Variants in AKAP10 observed in about 807,000 individuals in gnomAD.
AKAP10 encodes the protein A-kinase anchor protein 10, mitochondrial.
A neutral mutation model predicts 80.8 loss-of-function variants in AKAP10; 24 were observed. The ratio of observed to expected loss-of-function variants is 0.30; its 90% CI spans 0.22 to 0.42. The LOEUF (loss-of-function observed/expected upper bound fraction) is 0.42. AKAP10 is among the 10% of genes least tolerant of loss of function. AKAP10 has a pLI of 1.00. For missense variants in AKAP10, 661 were observed against 794.9 expected (o/e 0.83, Z 2.03); for synonymous variants, 291 against 277.7 (o/e 1.05, Z -0.48).
intron 4 of AKAP10, among the ~76,000 whole-genome samples, chr17:19,950,543 G>T (rs193166340): frequency 2.0e-5 from 3 of 152,368 alleles, no homozygotes; most frequent in African/African-American, 7.2e-5. Flanking sequence ...GCTCCTGACC[G>T]CGAGTGATCT....
chr17:19,940,700 T>G (rs556187495), intron 7 of AKAP10, among the ~76,000 whole-genome samples, 187 bp downstream of exon 7: 1 of 152,366 alleles, frequency 6.6e-6, no homozygotes, highest in South Asian at 2.1e-4. Flanking sequence ...TTTAATACAT[T>G]GAATTTTCAT....
intron 12 of AKAP10, 54 bp from the exon 13 acceptor site, chr17:19,910,032 A>G (rs1434180547): frequency 6.4e-7 from 1 of 1,571,970 alleles, no homozygotes; most frequent in African/African-American, 1.4e-5. Context: ...TTTACATTAA[A>G]AATGCTCTTA....
chr17:19,943,545 T>A (rs1375674109), intron 5 of AKAP10, among the ~76,000 whole-genome samples: 1 of 152,264 alleles, frequency 6.6e-6, no homozygotes, highest in Non-Finnish European at 1.5e-5. Context: ...GGAAGCTCTG[T>A]GCCCCTCTCC....
intron 12 of AKAP10, among the ~76,000 whole-genome samples, chr17:19,917,051 T>C (rs1440208703): frequency 6.6e-6 from 1 of 151,730 alleles, no homozygotes; most frequent in African/African-American, 2.4e-5. Context: ...GATCACGAGG[T>C]CAGGAGATCG....
chr17:19,967,984 A>C (rs556853847), intron 2 of AKAP10: 193 of 153,628 alleles, frequency 1.3e-3, no homozygotes, highest in Non-Finnish European at 2.4e-3. Context: ...GCGGATCACA[A>C]GGTCAGGAGA....
Position 19,971,834 on chromosome 17 carries a change from A to C in AKAP10, c.89-3373T>G, listed in dbSNP as rs149593349. Among the ~76,000 whole-genome samples, 12 of 152,264 alleles carry C rather than the reference A, an allele frequency of 7.9e-5. No individual in the cohort carries two copies. The East Asian group carries it at 2.1e-3, about 27-fold the overall frequency. ...GTAACAAATTATGTGCATTTTTTTC[A>C]GCCAGGAGCATTGGCTCACGCCTCT... On this transcript the variant is annotated intron_variant, in intron 1 of 14. Coordinates refer to ENST00000225737, the MANE Select transcript of AKAP10 (RefSeq NM_007202.4).
In AKAP10 at chr17:19,924,398, C is replaced by G. The variant is rs765471841; in HGVS notation, c.1751+10G>C. 2 of 1,555,336 alleles carry G rather than the reference C, an allele frequency of 1.3e-6. No individual in the cohort carries two copies. Among genetic ancestry groups the G allele is most frequent in the Non-Finnish European group, 8.7e-7 (1 of 1,148,900 alleles). ...CACTTGTAAAAATTCTAGGCATGAG[C>G]TAAGCTTACCCGGCATATGTCCGTT... On this transcript the variant is annotated intron_variant, in intron 11 of 14. Transcript: ENST00000225737.
chr17:19,931,361 AAGATAG>A (rs2042930346), intron 10 of AKAP10, among the ~76,000 whole-genome samples: 1 of 151,922 alleles, frequency 6.6e-6, no homozygotes, highest in East Asian at 1.9e-4. Context: ...CTTTGATTAG[AAGATAG>A]TAAGTAGGCT....
intron 4 of AKAP10, among the ~76,000 whole-genome samples, chr17:19,953,829 C>T (rs564562597): frequency 9.9e-5 from 15 of 152,182 alleles, no homozygotes; most frequent in South Asian, 8.3e-4. Context: ...GTCACAAGTT[C>T]GAGACCAGCT....
At chr17:19,936,471 G>A (rs781431050) in intron 8 of AKAP10, 41 bp from the exon 9 acceptor site, 3 of 1,557,076 alleles carry the variant, frequency 1.9e-6, no homozygotes, top group Non-Finnish European at 2.6e-6. Context: ...AAATTCCATA[G>A]CAAGTATAAG....
chr17:19,966,888 T>C (rs1446177262), intron 2 of AKAP10, among the ~76,000 whole-genome samples: 1 of 152,084 alleles, frequency 6.6e-6, no homozygotes, highest in Non-Finnish European at 1.5e-5. Flanking sequence ...CCTTTATCAC[T>C]GCCAATCAAG....
At chr17:19,942,874 T>C (rs1401505244) in intron 5 of AKAP10, among the ~76,000 whole-genome samples, 1 of 151,930 alleles carries the variant, frequency 6.6e-6, no homozygotes, top group Non-Finnish European at 1.5e-5. Flanking sequence ...CTGTGAAATA[T>C]GTTATTTAGT....
chr17:19,954,175 TTATAAGGCCAGCA>T (rs1165725358), intron 4 of AKAP10, among the ~76,000 whole-genome samples: 2 of 152,212 alleles, frequency 1.3e-5, no homozygotes, highest in African/African-American at 4.8e-5. Flanking sequence ...CCAATTCGTT[TTATAAGGCCAGCA>T]TTACCCAATT....
At chr17:19,962,053 C>G (rs1454344960) in intron 3 of AKAP10, among the ~76,000 whole-genome samples, 1 of 152,024 alleles carries the variant, frequency 6.6e-6, no homozygotes, top group Non-Finnish European at 1.5e-5. Context: ...GAGGTGAAGG[C>G]TGCAGTGAAC....
At chr17:19,955,236 GA>G (rs941898805) in intron 4 of AKAP10, among the ~76,000 whole-genome samples, 5 of 150,258 alleles carry the variant, frequency 3.3e-5, no homozygotes, top group Admixed American at 6.7e-5. Flanking sequence ...AAAAAAATAA[GA>G]AAAAAAAAGA....
At chr17:19,960,413 T>C (rs1269550831) in intron 3 of AKAP10, among the ~76,000 whole-genome samples, 2 of 152,226 alleles carry the variant, frequency 1.3e-5, no homozygotes, top group Non-Finnish European at 2.9e-5. Flanking sequence ...TCTTAATTTC[T>C]CTATTTCAAG....
intron 5 of AKAP10, among the ~76,000 whole-genome samples, chr17:19,946,391 A>G (rs2074080715): frequency 7.2e-6 from 1 of 139,268 alleles, no homozygotes; most frequent in African/African-American, 2.7e-5. Context: ...GTGAGGGTCT[A>G]GTTTCAAATC....
At position 19,909,410 on chromosome 17, in the gene AKAP10, C is replaced by CA. The variant is rs2042666511; in HGVS notation, c.1888-135_1888-134insT. 6.4e-6 allele frequency: 5 copies of CA among 784,532 alleles called. No individual in the cohort carries two copies. In the South Asian group the frequency reaches 1.1e-4, roughly 17 times the overall value. 48.6% of individuals were successfully genotyped at this position (784,532 alleles called of 1,614,324 possible). On this transcript the variant is annotated intron_variant, in intron 13 of 14. Coordinates refer to ENST00000225737, the MANE Select transcript of AKAP10 (RefSeq NM_007202.4). ...TGGATAAGAATTTCATTCCCATGTA[C>CA]GAAAAAACCTGGGCCACCCTCTGGC... is the stretch of plus-strand genomic sequence containing the variant.
chr17:19,963,072 A>G (rs1487105407), intron 2 of AKAP10, 50 bp from the exon 3 acceptor site: 2 of 1,473,742 alleles, frequency 1.4e-6, no homozygotes, highest in Admixed American at 3.9e-5. Context: ...TTGATAGCCT[A>G]AAACTCTCAT....
Sources: allele counts gnomAD v4.1 joint callset (sites outside exome capture counted in the v4.1 genomes callset), GRCh38; gene constraint gnomAD v4.1.1; transcripts MANE v1.5; gene names NCBI Gene and HGNC (gene_info 2026-07-23, HGNC 2026-07-21).